Variants in MAZ observed in about 807,000 individuals in gnomAD.
MAZ encodes the protein myc-associated zinc finger protein.
MAZ carries 4 observed loss-of-function variants against 32.7 expected under a neutral mutation model. That is an observed-to-expected ratio of 0.12 (90% CI 0.06 to 0.28). The LOEUF (loss-of-function observed/expected upper bound fraction) is 0.28, where lower values mean the gene tolerates loss of function less well. Among genes scored for constraint, MAZ ranks in the 10% least tolerant of loss-of-function variants. MAZ has a pLI of 1.00. For missense variants in MAZ, 763 were observed against 667.2 expected (o/e 1.14, Z -1.58); for synonymous variants, 510 against 297.6 (o/e 1.71, Z -7.35).
At chr16:29,809,080 C>T (rs1271489150) in intron 4 of MAZ, 11 of 524,326 alleles carry the variant, frequency 2.1e-5, no homozygotes, top group Non-Finnish European at 3.3e-5. Context: ...AAGGTCTTGT[C>T]TCCAGCTCCT....
In MAZ at chr16:29,811,002, C is replaced by T. The variant is rs1209321418; in HGVS notation, c.*771C>T. The T allele has an allele frequency of 6.7e-6, 3 of 449,796 alleles. No individual in the cohort carries two copies. Among genetic ancestry groups the T allele is most frequent in the African/African-American group, 4.0e-5 (2 of 49,864 alleles). The allele number at this position is 449,796 out of a possible 1,614,324, so 27.9% of individuals were successfully genotyped here. A position where few individuals can be genotyped will look rare whatever the true frequency, so the allele number is the denominator to read the frequency against. On this transcript the variant is annotated 3_prime_UTR_variant, in exon 5 of 5. Transcript: ENST00000322945. Reference sequence around the variant, plus strand: ...CAGTGTCCCCCTCCCCTCTTCCACCCCAGCTCCAGCCCTGGTCTTGTCTTT... The same window carrying T: ...CAGTGTCCCCCTCCCCTCTTCCACCTCAGCTCCAGCCCTGGTCTTGTCTTT...
chr16:29,810,329 C>A lies in MAZ; in HGVS notation c.*98C>A. On this transcript the variant is annotated 3_prime_UTR_variant, in exon 5 of 5. Coordinates refer to ENST00000322945, the MANE Select transcript of MAZ (RefSeq NM_002383.4). ...TTTCCCACCAACTCCTATTTCCCTACCAACCAAGGAGCCTCCAGAAGGAAA... is the reference window on the plus strand; with the variant it reads ...TTTCCCACCAACTCCTATTTCCCTAACAACCAAGGAGCCTCCAGAAGGAAA... The A allele has an allele frequency of 8.1e-7, 1 of 1,236,034 alleles. No individual in the cohort carries two copies. The highest frequency in any genetic ancestry group is 1.2e-6 in the Non-Finnish European group (1 of 866,600). The allele number at this position is 1,236,034 out of a possible 1,614,324, so 76.6% of individuals were successfully genotyped here.
Position 29,810,327 on chromosome 16 carries a change from TACCA to T in MAZ, c.*102_*105del. The T allele has an allele frequency of 7.9e-7, 1 of 1,266,228 alleles. No homozygotes were observed. The highest frequency in any genetic ancestry group is 1.3e-5 in the South Asian group (1 of 78,584). 78.4% of individuals were successfully genotyped at this position (1,266,228 alleles called of 1,614,324 possible). ...CTTTTCCCACCAACTCCTATTTCCC[TACCA>T]ACCAAGGAGCCTCCAGAAGGAAAGG... On this transcript the variant is annotated 3_prime_UTR_variant, in exon 5 of 5. Transcript: ENST00000322945.
intron 4 of MAZ, chr16:29,809,388 C>A (rs1235144542): frequency 6.4e-6 from 4 of 627,700 alleles, no homozygotes; most frequent in Middle Eastern, 8.1e-4. Flanking sequence ...GTCTACCAGC[C>A]CCAACAGAGC....
At position 29,810,133 on chromosome 16, in the gene MAZ, G is replaced by T. The variant is rs766238922; in HGVS notation, c.1336G>T (p.Ala446Ser). ...AGCGGCAGCGGCGGCAGCGGCAGCA[G>T]CGGCAGCAGTAGCAGCCCCTCCCAC... ...AAAAAAAAAAAAAVAAPPTAV... is the reference protein window; with the variant it reads ...AAAAAAAAAASAAVAAPPTAV... The change falls in exon 5 of 5, where the codon GCG (alanine) becomes TCG (serine). Residue 446 changes from alanine (A) to serine (S), a missense_variant. Transcript: ENST00000322945. 1 of 1,611,444 alleles carries T rather than the reference G, an allele frequency of 6.2e-7. No homozygotes were observed. The highest frequency in any genetic ancestry group is 8.5e-7 in the Non-Finnish European group (1 of 1,179,188).
Position 29,807,198 on chromosome 16 carries a change from C to G in MAZ, c.413C>G (p.Pro138Arg). ...CCTCCGGCGCCCCCTCCGCCACCCC[C>G]GCCAGTGTCGGCGCCCGCGGCCGAG... ...KQPPAPPPPPPPVSAPAAEAA... is the reference protein window; with the variant it reads ...KQPPAPPPPPRPVSAPAAEAA... Residue 138 changes from proline (P) to arginine (R), a missense_variant, in exon 2 of 5, where the codon CCG becomes CGG. Coordinates refer to ENST00000322945, the MANE Select transcript of MAZ (RefSeq NM_002383.4). The G allele has an allele frequency of 8.3e-7, 1 of 1,198,208 alleles. No homozygotes were observed. Among genetic ancestry groups the G allele is most frequent in the Non-Finnish European group, 1.1e-6 (1 of 951,952 alleles). The allele number at this position is 1,198,208 out of a possible 1,614,324, so 74.2% of individuals were successfully genotyped here.
intron 4 of MAZ, chr16:29,809,584 C>T: frequency 6.2e-7 from 1 of 1,612,634 alleles, no homozygotes; most frequent in Non-Finnish European, 8.5e-7. Context: ...GGTGAAGGAC[C>T]ACGGGCTCCA....
intron 4 of MAZ, 163 bp from the exon 5 acceptor site, chr16:29,809,914 A>G: frequency 8.0e-7 from 1 of 1,246,964 alleles, no homozygotes; most frequent in Non-Finnish European, 1.1e-6. Flanking sequence ...GATCCTTGAG[A>G]ACTGCTCTGT....
chr16:29,807,940 G>A (rs1317063113), intron 2 of MAZ, 112 bp downstream of exon 2: 4 of 1,500,240 alleles, frequency 2.7e-6, no homozygotes, highest in Admixed American at 4.2e-5. Flanking sequence ...TGGGGAAGGG[G>A]AGCCACTCCC....
intron 2 of MAZ, 56 bp downstream of exon 2, chr16:29,807,884 A>AG (rs775786676): frequency 6.3e-7 from 1 of 1,578,388 alleles, no homozygotes; most frequent in South Asian, 1.1e-5. Context: ...GACGCGACGG[A>AG]GGTGGCCTGG....
rs1001592149 is a variant in MAZ at position 29,806,768 on chromosome 16, G to A, written c.67G>A (p.Gly23Arg). ...PFPVLGLDSR[G>R]VGGLMNSFPP... is the part of the protein sequence containing the mutation. Reference sequence around the variant, plus strand: ...CCCCGTGCTGGGCCTGGACTCCCGGGGGGTGGGCGGCCTCATGAACTCCTT... The same window carrying A: ...CCCCGTGCTGGGCCTGGACTCCCGGAGGGTGGGCGGCCTCATGAACTCCTT... Residue 23 changes from glycine to arginine, a missense_variant, in exon 1 of 5, where the codon GGG becomes AGG. Physicochemically the swap from Gly to Arg is moderately radical, Grantham distance 125. Coordinates refer to ENST00000322945, the MANE Select transcript of MAZ (RefSeq NM_002383.4). 3 of 1,435,104 alleles carry A rather than the reference G, an allele frequency of 2.1e-6. No homozygotes were observed. Among genetic ancestry groups the A allele is most frequent in the Admixed American group, 2.7e-5 (1 of 36,580 alleles). The allele number at this position is 1,435,104 out of a possible 1,614,324, so 88.9% of individuals were successfully genotyped here.
rs1196606731 is a variant in MAZ at position 29,807,847 on chromosome 16, C to A, written c.1043+19C>A. On this transcript the variant is annotated intron_variant, in intron 2 of 4. Transcript: ENST00000322945. ...TCTCCCGGTGTGCACGGGGCCTCGG[C>A]CGCCCGCTAGGCCGTGGGGAGGGAG... 1.9e-6 allele frequency: 3 copies of A among 1,596,372 alleles called. No individual in the cohort carries two copies. Among genetic ancestry groups the A allele is most frequent in the Non-Finnish European group, 2.6e-6 (3 of 1,175,498 alleles).
rs532838091 is a variant in MAZ, at chr16:29,807,715, G to T, written c.930G>T (p.Pro310=). 7.7e-5 allele frequency: 124 copies of T among 1,612,804 alleles called. No individual in the cohort carries two copies. Among genetic ancestry groups the T allele is most frequent in the Non-Finnish European group, 1.0e-4 (122 of 1,179,988 alleles). ...CGGACGAGAAGCCCTACCAGTGCCC[G>T]GTGTGCCAGCAGCGCTTCAAGCGCA... ...SHSDEKPYQC[P]VCQQRFKRKD... is the part of the protein sequence containing the mutation. The change falls in exon 2 of 5, where the codon CCG becomes CCT. Residue 310 remains proline (P), a synonymous_variant. Transcript: ENST00000322945.
intron 2 of MAZ, 174 bp from the exon 3 acceptor site, chr16:29,808,056 G>A (rs1343621559): frequency 1.0e-6 from 1 of 1,000,574 alleles, no homozygotes; most frequent in Non-Finnish European, 1.5e-6. Flanking sequence ...GGAGGAGGCG[G>A]CGGCGGCGGC....
chr16:29,808,963 G>A, intron 4 of MAZ: 3 of 571,982 alleles, frequency 5.2e-6, no homozygotes, highest in Non-Finnish European at 9.2e-6. Flanking sequence ...TGAACCTCCT[G>A]GTAATGTGTG....
rs563214572 is a variant in MAZ, at chr16:29,811,133, C to T, written c.*902C>T. The T allele has an allele frequency of 1.5e-3, 649 of 437,384 alleles. 12 individuals carry two copies. Among genetic ancestry groups the T allele is most frequent in the South Asian group, 0.01 (640 of 61,248 alleles). The allele number at this position is 437,384 out of a possible 1,614,324, so 27.1% of individuals were successfully genotyped here. On this transcript the variant is annotated 3_prime_UTR_variant, in exon 5 of 5. Coordinates refer to ENST00000322945, the MANE Select transcript of MAZ (RefSeq NM_002383.4). ...CCTCCACCCCTTCCTTTTGCGCGGACCCCATTACAATAAATTTTAAATAAA... is the reference window on the plus strand; with the variant it reads ...CCTCCACCCCTTCCTTTTGCGCGGATCCCATTACAATAAATTTTAAATAAA...
At chr16:29,809,339 C>T (rs929225423) in intron 4 of MAZ, 28 of 582,634 alleles carry the variant, frequency 4.8e-5, no homozygotes, top group Middle Eastern at 4.4e-4. Flanking sequence ...GAGAAGCGGG[C>T]ACCACACAAG....
upstream of MAZ, chr16:29,806,154 A>G (rs1476241352): frequency 3.2e-4 from 317 of 999,264 alleles, no homozygotes; most frequent in Non-Finnish European, 3.9e-4. Context: ...CATGGATCCC[A>G]GCAACTGGAG....
In MAZ at chr16:29,808,267, T is replaced by A; in HGVS notation, c.1081T>A (p.Ser361Thr). 1 of 1,614,030 alleles carries A rather than the reference T, an allele frequency of 6.2e-7. No individual in the cohort carries two copies. Among genetic ancestry groups the A allele is most frequent in the South Asian group, 1.1e-5 (1 of 91,076 alleles). Reference sequence around the variant, plus strand: ...CAACAGTCACGTCAGACAAGTGCACTCAACAGAACGGCCCTTCAAATGTGA... The same window carrying A: ...CAACAGTCACGTCAGACAAGTGCACACAACAGAACGGCCCTTCAAATGTGA... ...HLNSHVRQVH[S>T]TERPFKCEKC... is the part of the protein sequence containing the mutation. The change falls in exon 3 of 5, where the codon TCA becomes ACA. Residue 361 changes from serine to threonine, a missense_variant. Physicochemically the swap from Ser to Thr is moderately conservative, Grantham distance 58. Coordinates refer to ENST00000322945, the MANE Select transcript of MAZ (RefSeq NM_002383.4).
Sources: allele counts gnomAD v4.1 joint callset, GRCh38; gene constraint gnomAD v4.1.1; transcripts MANE v1.5; gene names NCBI Gene and HGNC (gene_info 2026-07-23, HGNC 2026-07-21).